Variants in COL27A1 observed in about 807,000 individuals in gnomAD.
COL27A1 encodes the protein collagen type XXVII alpha 1 chain, also known as collagen alpha-1(XXVII) chain.
COL27A1 carries 106 observed loss-of-function variants against 251.3 expected under a neutral mutation model. That is an observed-to-expected ratio of 0.42 (90% CI 0.36 to 0.50). The LOEUF (loss-of-function observed/expected upper bound fraction) is 0.50. COL27A1 is among the 20% of genes least tolerant of loss of function. COL27A1 has a pLI of 0.00. For missense variants in COL27A1, 2,325 were observed against 2,522.8 expected (o/e 0.92, Z 1.68); for synonymous variants, 1,000 against 986.3 (o/e 1.01, Z -0.26).
intron 44 of COL27A1, 80 bp from the exon 45 acceptor site, chr9:114,289,162 C>G: frequency 8.6e-7 from 1 of 1,157,674 alleles, no homozygotes; most frequent in East Asian, 2.6e-5. Context: ...CCCCACCCCT[C>G]CCCCTCCAGG....
chr9:114,224,998 T>A (rs536009436), intron 14 of COL27A1, among the ~76,000 whole-genome samples: 81 of 152,312 alleles, frequency 5.3e-4, no homozygotes, highest in Non-Finnish European at 1.0e-3. Flanking sequence ...GGTTGCCAGA[T>A]AAAATATGAC....
intron 27 of COL27A1, among the ~76,000 whole-genome samples, chr9:114,253,412 A>G (rs1203057922): frequency 1.8e-5 from 2 of 114,142 alleles, no homozygotes; most frequent in Admixed American, 8.2e-5. Flanking sequence ...AAAAGACAGA[A>G]AGAAGAGGAG....
rs138310727 is a variant in COL27A1, at chr9:114,197,452, G to A, written c.2124+1440G>A. Among the ~76,000 whole-genome samples, 826 of 152,298 alleles carry A rather than the reference G, an allele frequency of 5.4e-3. 6 individuals are homozygous for A. Among genetic ancestry groups the A allele is most frequent in the African/African-American group, 0.019 (784 of 41,564 alleles). Reference sequence around the variant, plus strand: ...GCTCACAGAACACAGAGGGACTTGCGCTCCCCACTTACTTCCTCTCTGGGC... The same window carrying A: ...GCTCACAGAACACAGAGGGACTTGCACTCCCCACTTACTTCCTCTCTGGGC... On this transcript the variant is annotated intron_variant, in intron 7 of 60. Transcript: ENST00000356083.
chr9:114,174,996 C>A (rs1254359936), intron 3 of COL27A1, among the ~76,000 whole-genome samples: 1 of 10,928 alleles, frequency 9.2e-5, no homozygotes, highest in Middle Eastern at 0.012. Context: ...CACCTAGGAT[C>A]GGACTTTGGT....
chr9:114,289,949 T>C, intron 45 of COL27A1, 109 bp from the exon 46 acceptor site: 1 of 1,218,040 alleles, frequency 8.2e-7, no homozygotes, highest in Non-Finnish European at 1.2e-6. Context: ...ATCTGTGGCA[T>C]CAGATGTTCA....
chr9:114,177,644 G>A (rs1356629412), intron 3 of COL27A1, among the ~76,000 whole-genome samples: 1 of 152,188 alleles, frequency 6.6e-6, no homozygotes, highest in African/African-American at 2.4e-5. Context: ...GCCTCCGTTT[G>A]TATGGGCACA....
chr9:114,212,445 G>A (rs1291565781), intron 12 of COL27A1, among the ~76,000 whole-genome samples: 1 of 152,246 alleles, frequency 6.6e-6, no homozygotes, highest in Admixed American at 6.5e-5. Context: ...CTCTCTTGGG[G>A]CAGACAGACA....
At chr9:114,206,778 T>A (rs1332008742) in intron 10 of COL27A1, among the ~76,000 whole-genome samples, 1 of 152,138 alleles carries the variant, frequency 6.6e-6, no homozygotes, top group Non-Finnish European at 1.5e-5. Flanking sequence ...AAGGCCCCCA[T>A]GGAGCAGACC....
chr9:114,265,807 G>A (rs1407049118), intron 32 of COL27A1, among the ~76,000 whole-genome samples: 1 of 152,222 alleles, frequency 6.6e-6, no homozygotes. Flanking sequence ...AAGAGTAAAC[G>A]AACAAGCTGA....
At chr9:114,160,164 T>C (rs1848394479) in intron 1 of COL27A1, among the ~76,000 whole-genome samples, 1 of 151,888 alleles carries the variant, frequency 6.6e-6, no homozygotes, top group Non-Finnish European at 1.5e-5. Context: ...TATTTTTTTT[T>C]TTTTTTTTGA....
At chr9:114,198,166 A>G (rs1272936059) in intron 7 of COL27A1, among the ~76,000 whole-genome samples, 1 of 152,200 alleles carries the variant, frequency 6.6e-6, no homozygotes, top group Admixed American at 6.5e-5. Context: ...TGTCATTCTG[A>G]GGCAACACAG....
At chr9:114,199,487 C>T (rs1357832749) in intron 7 of COL27A1, among the ~76,000 whole-genome samples, 1 of 152,066 alleles carries the variant, frequency 6.6e-6, no homozygotes, top group Non-Finnish European at 1.5e-5. Context: ...CATCCAATCC[C>T]GTGTACCCTG....
At chr9:114,202,304 AG>A in intron 7 of COL27A1, among the ~76,000 whole-genome samples, 1 of 152,332 alleles carries the variant, frequency 6.6e-6, no homozygotes, top group Non-Finnish European at 1.5e-5. Flanking sequence ...GTGATGGCCA[AG>A]GGCCCCCTGG....
intron 10 of COL27A1, among the ~76,000 whole-genome samples, chr9:114,207,541 G>C (rs10982099): frequency 0.04 from 6,121 of 152,290 alleles, 145 homozygotes; most frequent in Middle Eastern, 0.065. Context: ...CGACTTGCCT[G>C]CCAGGCTGGT....
At chr9:114,299,321 T>G (rs1020460451) in intron 49 of COL27A1, among the ~76,000 whole-genome samples, 2 of 152,234 alleles carry the variant, frequency 1.3e-5, no homozygotes, top group African/African-American at 4.8e-5. Context: ...GCTTTCTGCT[T>G]ATGAGCTTGA....
intron 3 of COL27A1, among the ~76,000 whole-genome samples, chr9:114,176,071 A>C (rs1827415653): frequency 1.3e-5 from 2 of 152,212 alleles, no homozygotes; most frequent in Admixed American, 1.3e-4. Flanking sequence ...GAACAGGTCC[A>C]GTGGTCCTGG....
chr9:114,184,893 C>T (rs931227618), intron 5 of COL27A1, among the ~76,000 whole-genome samples: 1 of 152,194 alleles, frequency 6.6e-6, no homozygotes, highest in Non-Finnish European at 1.5e-5. Flanking sequence ...AGATGCCGAG[C>T]ATCAGCAGCT....
intron 27 of COL27A1, among the ~76,000 whole-genome samples, chr9:114,256,714 C>T (rs1833945811): frequency 6.6e-6 from 1 of 152,118 alleles, no homozygotes; most frequent in South Asian, 2.1e-4. Context: ...CTCTTCTATC[C>T]CCATGTTATA....
At chr9:114,216,239 T>C (rs538283656) in intron 12 of COL27A1, among the ~76,000 whole-genome samples, 20 of 152,274 alleles carry the variant, frequency 1.3e-4, no homozygotes, top group African/African-American at 4.8e-4. Context: ...CCTGGGAAAG[T>C]AGAGAAACCA....
Sources: gnomAD v4.1 joint callset for allele counts (sites outside exome capture counted in the v4.1 genomes callset) on GRCh38, gnomAD v4.1.1 for gene constraint, MANE v1.5 for transcripts, NCBI Gene and HGNC (gene_info 2026-07-23, HGNC 2026-07-21) for gene names.